The following RNF169 variants were observed in gnomAD, a reference collection of about 807,000 sequenced individuals.
RNF169 encodes the protein E3 ubiquitin-protein ligase RNF169.
RNF169 carries 24 observed loss-of-function variants against 53.9 expected under a neutral mutation model. That is an observed-to-expected ratio of 0.45 (90% CI 0.32 to 0.63). The LOEUF (loss-of-function observed/expected upper bound fraction) is 0.63. Ranked by LOEUF, RNF169 falls within the 20% of genes least tolerant of loss-of-function variation. The pLI, the probability that RNF169 is intolerant of heterozygous loss-of-function variation, is 0.04. For synonymous variants in RNF169, 396 were observed against 363.5 expected (o/e 1.09, Z -1.02); for missense variants, 883 against 906.2 (o/e 0.97, Z 0.33).
intron 4 of RNF169, among the ~76,000 whole-genome samples, chr11:74,823,293 G>A (rs1055191843): frequency 6.6e-6 from 1 of 152,106 alleles, no homozygotes; most frequent in African/African-American, 2.4e-5. Context: ...TACTTTGCCT[G>A]GTGACATGAG....
At position 74,749,350 on chromosome 11, in the gene RNF169, A is replaced by C; in HGVS notation, c.470A>C (p.Glu157Ala). ...GCGGCTGCCGCGGGGCCCAGGCCAGAGCAGGAGCCGCGTGCCGCGCCTGCG... is the reference window on the plus strand; with the variant it reads ...GCGGCTGCCGCGGGGCCCAGGCCAGCGCAGGAGCCGCGTGCCGCGCCTGCG... ...GGAAAAGPRP[E>A]QEPRAAPAEP... The change falls in exon 1 of 6, where the codon GAG becomes GCG. Residue 157 changes from glutamate to alanine, a missense_variant. This residue lies in a region of RNF169 where 313 missense variants were observed against 279.9 expected (regional missense o/e 1.12). Coordinates refer to ENST00000299563, the MANE Select transcript of RNF169 (RefSeq NM_001098638.2). 4 of 1,227,060 alleles carry C rather than the reference A, an allele frequency of 3.3e-6. No individual in the cohort carries two copies. Among genetic ancestry groups the C allele is most frequent in the Non-Finnish European group, 4.1e-6 (4 of 982,630 alleles). 76.0% of individuals were successfully genotyped at this position (1,227,060 alleles called of 1,614,324 possible).
intron 2 of RNF169, among the ~76,000 whole-genome samples, chr11:74,796,305 G>A (rs1253065200): frequency 6.6e-6 from 1 of 152,068 alleles, no homozygotes; most frequent in Non-Finnish European, 1.5e-5. Context: ...TCCTTCATCT[G>A]GATATACATC....
chr11:74,776,673 AGG>A (rs748678498), intron 1 of RNF169, among the ~76,000 whole-genome samples: 4 of 152,220 alleles, frequency 2.6e-5, no homozygotes, highest in Non-Finnish European at 4.4e-5. Flanking sequence ...GAATGCCATG[AGG>A]GCCTACAGGA....
chr11:74,836,611 C>A lies in RNF169; in HGVS notation c.2008C>A (p.Arg670=). ...GAAGCTTCAGCAAGAGGAAGAAGAC[C>A]GACAGTTGGCTCTGCAGTTGCAGCG... ...EQKLQQEEED[R]QLALQLQRMF... Residue 670 remains arginine, a synonymous_variant, in exon 6 of 6, where the codon CGA becomes AGA. Transcript: ENST00000299563. The A allele has an allele frequency of 6.2e-7, 1 of 1,614,052 alleles. No homozygotes were observed. The highest frequency in any genetic ancestry group is 8.5e-7 in the Non-Finnish European group (1 of 1,180,040).
intron 4 of RNF169, among the ~76,000 whole-genome samples, chr11:74,821,163 G>C (rs1782271700): frequency 6.6e-6 from 1 of 152,154 alleles, no homozygotes; most frequent in African/African-American, 2.4e-5. Flanking sequence ...ATCTATCTTT[G>C]CAACAGAAGG....
intron 4 of RNF169, among the ~76,000 whole-genome samples, chr11:74,832,793 T>C (rs1332230727): frequency 1.3e-5 from 2 of 152,200 alleles, no homozygotes; most frequent in Middle Eastern, 3.2e-3. Flanking sequence ...TAACCCAAGG[T>C]ATATATTATT....
chr11:74,821,426 AGGCGGGCG>A (rs2036008262), intron 4 of RNF169, among the ~76,000 whole-genome samples: 1 of 69,656 alleles, frequency 1.4e-5, no homozygotes, highest in East Asian at 3.6e-4. Context: ...TGGGAGGCCG[AGGCGGGCG>A]GATCACGAGG....
At chr11:74,755,290 A>G (rs897176752) in intron 1 of RNF169, among the ~76,000 whole-genome samples, 1 of 152,214 alleles carries the variant, frequency 6.6e-6, no homozygotes, top group Admixed American at 6.5e-5. Context: ...GAATAGCTCC[A>G]ATGTATGAAT....
intron 2 of RNF169, 98 bp downstream of exon 2, chr11:74,789,797 A>G (rs569972464): frequency 1.4e-6 from 1 of 734,506 alleles, no homozygotes; most frequent in Non-Finnish European, 2.3e-6. Context: ...TAAAAAATTT[A>G]TAATGCAGAG....
intron 1 of RNF169, among the ~76,000 whole-genome samples, chr11:74,752,298 C>G (rs1245668332): frequency 1.3e-5 from 2 of 150,742 alleles, no homozygotes; most frequent in Non-Finnish European, 3.0e-5. Context: ...ATTTCTCACT[C>G]CCGTCAAAGA....
At position 74,835,579 on chromosome 11, in the gene RNF169, A is replaced by G; in HGVS notation, c.976A>G (p.Ile326Val). The G allele has an allele frequency of 6.2e-7, 1 of 1,614,116 alleles. No homozygotes were observed. The highest frequency in any genetic ancestry group is 8.5e-7 in the Non-Finnish European group (1 of 1,180,012). ...TATGACTCCAGCCTCCAACCCCATC[A>G]TTGGTGTCCTCTTGTCAACTCAAAA... ...TTMTPASNPI[I>V]GVLLSTQNNR... Residue 326 changes from isoleucine to valine, a missense_variant, in exon 6 of 6, where the codon ATT becomes GTT. Transcript: ENST00000299563.
intron 2 of RNF169, chr11:74,807,671 C>T (rs140407463): frequency 1.3e-5 from 2 of 152,198 alleles, no homozygotes; most frequent in African/African-American, 4.8e-5. Context: ...AAACAGAGTC[C>T]TTAAGGATTA....
chr11:74,769,813 C>T (rs2035233336), intron 1 of RNF169, among the ~76,000 whole-genome samples: 1 of 152,134 alleles, frequency 6.6e-6, no homozygotes, highest in Non-Finnish European at 1.5e-5. Flanking sequence ...CCTTGTACCC[C>T]CCAACAAGGT....
intron 1 of RNF169, among the ~76,000 whole-genome samples, chr11:74,769,883 C>G (rs2035234619): frequency 6.6e-6 from 1 of 152,120 alleles, no homozygotes; most frequent in South Asian, 2.1e-4. Flanking sequence ...ACAGCCTCTA[C>G]TTTTCAGGCT....
At chr11:74,753,538 C>G (rs1312234555) in intron 1 of RNF169, among the ~76,000 whole-genome samples, 8 of 152,104 alleles carry the variant, frequency 5.3e-5, no homozygotes, top group Non-Finnish European at 1.2e-4. Flanking sequence ...TTTGCCATAA[C>G]TTTCAATGGC....
At chr11:74,822,979 A>C (rs1196560947) in intron 4 of RNF169, among the ~76,000 whole-genome samples, 1 of 152,084 alleles carries the variant, frequency 6.6e-6, no homozygotes, top group Non-Finnish European at 1.5e-5. Context: ...TTTTTTAGTG[A>C]GATTATTGTT....
chr11:74,767,279 TAA>T (rs1281304687), intron 1 of RNF169, among the ~76,000 whole-genome samples: 5 of 152,166 alleles, frequency 3.3e-5, no homozygotes, highest in Non-Finnish European at 7.3e-5. Context: ...TTCCCCATAT[TAA>T]TAAACTAAAG....
chr11:74,793,671 T>C (rs2035609533), intron 2 of RNF169, among the ~76,000 whole-genome samples: 1 of 152,186 alleles, frequency 6.6e-6, no homozygotes, highest in Non-Finnish European at 1.5e-5. Flanking sequence ...CAGAGGCTTT[T>C]GAGTTGGTAT....
intron 2 of RNF169, among the ~76,000 whole-genome samples, chr11:74,792,215 C>T (rs1317391441): frequency 6.6e-6 from 1 of 151,810 alleles, no homozygotes; most frequent in Non-Finnish European, 1.5e-5. Context: ...TTTTCAGGGA[C>T]CACATAAAAA....
Sources: gnomAD v4.1 joint callset for allele counts (sites outside exome capture counted in the v4.1 genomes callset) on GRCh38, gnomAD v4.1.1 for gene constraint, gnomAD v4.1.1 regional missense constraint, MANE v1.5 for transcripts, NCBI Gene and HGNC (gene_info 2026-07-23, HGNC 2026-07-21) for gene names.